Variants in FAM168A observed in about 807,000 individuals in gnomAD.
FAM168A encodes protein FAM168A.
FAM168A carries 3 observed loss-of-function variants against 28.5 expected under a neutral mutation model. The observed-to-expected ratio is 0.11, with a 90% CI of 0.05 to 0.27. The LOEUF (loss-of-function observed/expected upper bound fraction) is 0.27. FAM168A is among the 10% of genes least tolerant of loss of function. FAM168A has a pLI of 1.00. For missense variants in FAM168A, 222 were observed against 311.5 expected, an observed-to-expected ratio of 0.71 and a Z score of 2.16; for synonymous variants, 122 against 124.2, an observed-to-expected ratio of 0.98 and a Z score of 0.12.
At chr11:73,503,630 C>A (rs2134627549) in intron 1 of FAM168A, among the ~76,000 whole-genome samples, 1 of 152,234 alleles carries the variant, frequency 6.6e-6, no homozygotes, top group East Asian at 1.9e-4. Flanking sequence ...ACATTCTTCA[C>A]AGAATTAGAA....
At chr11:73,460,102 G>A (rs1867617514) in intron 2 of FAM168A, among the ~76,000 whole-genome samples, 1 of 151,830 alleles carries the variant, frequency 6.6e-6, no homozygotes, top group Non-Finnish European at 1.5e-5. Flanking sequence ...GGATGGTCTC[G>A]ATCTCCCGAC....
At chr11:73,467,284 G>T (rs775749897) in intron 2 of FAM168A, among the ~76,000 whole-genome samples, 1 of 150,890 alleles carries the variant, frequency 6.6e-6, no homozygotes, top group Non-Finnish European at 1.5e-5. Context: ...ATAATATTTT[G>T]TCCCATTCCC....
At chr11:73,587,818 C>T (rs527934048) in intron 1 of FAM168A, among the ~76,000 whole-genome samples, 5 of 151,960 alleles carry the variant, frequency 3.3e-5, no homozygotes, top group Middle Eastern at 3.2e-3. Context: ...GGCGCAATCT[C>T]GGATCACTGC....
In FAM168A at chr11:73,404,447, A is replaced by C. The variant is rs1866467305; in HGVS notation, c.*2316T>G. The C allele has an allele frequency of 6.6e-6, 1 of 152,204 alleles. No individual in the cohort carries two copies. Among genetic ancestry groups the C allele is most frequent in the African/African-American group, 2.4e-5 (1 of 41,434 alleles). 9.4% of individuals were successfully genotyped at this position (152,204 alleles called of 1,614,324 possible). ...AAATCCAAAGGTTTCTATTATTATT[A>C]TCATTATTATTATTTTGGCATTTTT... On this transcript the variant is annotated 3_prime_UTR_variant, in exon 8 of 8. Coordinates refer to ENST00000356467, the MANE Select transcript of FAM168A (RefSeq NM_015159.3).
chr11:73,547,736 A>C (rs888860296), intron 1 of FAM168A, among the ~76,000 whole-genome samples: 1 of 152,184 alleles, frequency 6.6e-6, no homozygotes, highest in African/African-American at 2.4e-5. Flanking sequence ...ATACATCCAA[A>C]AGAACTGAAA....
At chr11:73,440,789 T>C (rs1342826199) in intron 2 of FAM168A, among the ~76,000 whole-genome samples, 1 of 152,172 alleles carries the variant, frequency 6.6e-6, no homozygotes, top group African/African-American at 2.4e-5. Flanking sequence ...TAAAGTTCTA[T>C]ATGTCAGAAG....
chr11:73,539,132 T>C (rs1943620713), intron 1 of FAM168A, among the ~76,000 whole-genome samples: 2 of 152,336 alleles, frequency 1.3e-5, no homozygotes, highest in South Asian at 4.1e-4. Context: ...TCCCTTCCCC[T>C]ATCTGGGTCT....
intron 1 of FAM168A, among the ~76,000 whole-genome samples, chr11:73,507,164 C>T (rs1348950207): frequency 3.3e-5 from 5 of 152,152 alleles, no homozygotes; most frequent in Admixed American, 6.5e-5. Context: ...TTTTTCCCCA[C>T]GAACTATATG....
At chr11:73,571,898 C>A (rs1944095247) in intron 1 of FAM168A, among the ~76,000 whole-genome samples, 1 of 151,544 alleles carries the variant, frequency 6.6e-6, no homozygotes, top group Non-Finnish European at 1.5e-5. Context: ...GCCCCACCGC[C>A]CCACCGCCCC....
intron 1 of FAM168A, among the ~76,000 whole-genome samples, chr11:73,574,476 T>C (rs11235808): frequency 0.03 from 4,530 of 152,222 alleles, 223 homozygotes; most frequent in African/African-American, 0.1. Flanking sequence ...ACAAATTACC[T>C]AGATGGAACA....
intron 1 of FAM168A, among the ~76,000 whole-genome samples, chr11:73,581,601 C>T (rs1235061993): frequency 1.3e-5 from 2 of 152,170 alleles, no homozygotes; most frequent in Non-Finnish European, 2.9e-5. Flanking sequence ...AAGACCTAGT[C>T]TTCTTTCAAA....
chr11:73,401,002 A>G lies in FAM168A; in HGVS notation c.*5761T>C, dbSNP rs956946687. 6.6e-6 allele frequency: 1 copy of G among 152,098 alleles called. No homozygotes were observed. Among genetic ancestry groups the G allele is most frequent in the Admixed American group, 6.5e-5 (1 of 15,280 alleles). 9.4% of individuals were successfully genotyped at this position (152,098 alleles called of 1,614,324 possible). ...ACAGGCAAGGCCATGGGGCTTTCCAATCTTTACACTCCGGACTGTGTTTTG... is the reference window on the plus strand; with the variant it reads ...ACAGGCAAGGCCATGGGGCTTTCCAGTCTTTACACTCCGGACTGTGTTTTG... On this transcript the variant is annotated 3_prime_UTR_variant, in exon 8 of 8. Coordinates refer to ENST00000356467, the MANE Select transcript of FAM168A (RefSeq NM_015159.3).
intron 1 of FAM168A, among the ~76,000 whole-genome samples, chr11:73,540,323 T>C (rs1648349842): frequency 1.3e-5 from 2 of 152,200 alleles, no homozygotes; most frequent in African/African-American, 4.8e-5. Context: ...ATACATTCTC[T>C]CGTTCAATTC....
rs1473806719 is a variant in FAM168A at position 73,489,557 on chromosome 11, C to T, written c.-18-21065G>A. 2.7e-5 allele frequency among the ~76,000 whole-genome samples: 4 copies of T among 149,550 alleles called. No homozygotes were observed. The East Asian group carries it at 7.9e-4, about 29-fold the overall frequency. On this transcript the variant is annotated intron_variant, in intron 1 of 7. Transcript: ENST00000356467. ...CGGGTCTTTTGCTCTTTTGCCCAGG[C>T]TCAAGTGCAGTGGCACAACCACGGC... is the stretch of plus-strand genomic sequence containing the variant.
intron 1 of FAM168A, among the ~76,000 whole-genome samples, chr11:73,536,991 T>C (rs571163683): frequency 1.2e-4 from 19 of 152,220 alleles, no homozygotes; most frequent in Non-Finnish European, 2.5e-4. Flanking sequence ...GTTAGATTTT[T>C]GTATGAGGAA....
At chr11:73,496,897 ACACACACACG>A (rs1426532015) in intron 1 of FAM168A, among the ~76,000 whole-genome samples, 71 of 150,358 alleles carry the variant, frequency 4.7e-4, no homozygotes, top group East Asian at 1.9e-3. Flanking sequence ...ACACACACAC[ACACACACACG>A]CACACACACG....
chr11:73,438,123 C>T (rs113418653), intron 2 of FAM168A, among the ~76,000 whole-genome samples: 14 of 152,302 alleles, frequency 9.2e-5, no homozygotes, highest in African/African-American at 2.6e-4. Flanking sequence ...TCATCGTCAT[C>T]ATCATCATCA....
intron 3 of FAM168A, among the ~76,000 whole-genome samples, chr11:73,422,746 C>CT (rs1289074180): frequency 2.0e-5 from 3 of 152,104 alleles, no homozygotes; most frequent in African/African-American, 7.3e-5. Flanking sequence ...CTTAAGTGTA[C>CT]TTTATATACT....
chr11:73,561,730 A>G (rs1231174192), intron 1 of FAM168A, among the ~76,000 whole-genome samples: 2 of 152,170 alleles, frequency 1.3e-5, no homozygotes, highest in East Asian at 1.9e-4. Context: ...TAATTCACAA[A>G]CCAAGATCTT....
Sources: gnomAD v4.1 joint callset for allele counts (sites outside exome capture counted in the v4.1 genomes callset) on GRCh38, gnomAD v4.1.1 for gene constraint, MANE v1.5 for transcripts, NCBI Gene and HGNC (gene_info 2026-07-23, HGNC 2026-07-21) for gene names.